The following FKRP variants were observed in gnomAD, a reference collection of about 807,000 sequenced individuals.
FKRP encodes the protein ribitol 5-phosphate transferase FKRP.
FKRP carries 25 observed loss-of-function variants against 30.6 expected under a neutral mutation model. The observed-to-expected ratio is 0.82, with a 90% CI of 0.60 to 1.14. The LOEUF is 1.14. Ranked by LOEUF, FKRP falls within the 50% of genes most tolerant of loss-of-function variation. The probability of loss-of-function intolerance (pLI) is 0.00; values close to 1 mark genes in which losing one functional copy is unlikely to be tolerated. For synonymous variants in FKRP, 358 were observed against 342.5 expected, an observed-to-expected ratio of 1.05 and a Z score of -0.50; for missense variants, 771 against 727.8, an observed-to-expected ratio of 1.06 and a Z score of -0.68.
upstream of FKRP, chr19:46,746,000 T>C: frequency 2.1e-6 from 2 of 973,972 alleles, no homozygotes; most frequent in South Asian, 5.5e-5. Context: ...GGCCCCTCAC[T>C]CGCCCTCCGG....
chr19:46,746,439 CG>C (rs2054624370), intron 1 of FKRP: 5 of 1,008,364 alleles, frequency 5.0e-6, no homozygotes, highest in Middle Eastern at 4.8e-4. Flanking sequence ...ATGGAGGCCC[CG>C]GGGCCGGCCT....
chr19:46,757,106 G>A lies in FKRP; in HGVS notation c.*168G>A. The A allele has an allele frequency of 1.1e-6, 1 of 913,154 alleles. No homozygotes were observed. The highest frequency in any genetic ancestry group is 1.7e-6 in the Non-Finnish European group (1 of 584,760). 56.6% of individuals were successfully genotyped at this position (913,154 alleles called of 1,614,324 possible). On this transcript the variant is annotated 3_prime_UTR_variant, in exon 4 of 4. Coordinates refer to ENST00000318584, the MANE Select transcript of FKRP (RefSeq NM_024301.5). ...GAAGGCTGGCATTGGCAGGAGGAGAGCACCAGGACGAGGATGGGAAGCGAC... is the reference window on the plus strand; with the variant it reads ...GAAGGCTGGCATTGGCAGGAGGAGAACACCAGGACGAGGATGGGAAGCGAC...
rs114589967 is a variant in FKRP at position 46,754,957 on chromosome 19, T to A, written c.-39-455T>A. Among the ~76,000 whole-genome samples, 502 of 152,254 alleles carry A rather than the reference T, an allele frequency of 3.3e-3. 3 individuals carry two copies. The highest frequency in any genetic ancestry group is 0.011 in the African/African-American group (441 of 41,550). On this transcript the variant is annotated intron_variant, in intron 3 of 3. Coordinates refer to ENST00000318584, the MANE Select transcript of FKRP (RefSeq NM_024301.5). ...TCAGCACCCCACTTAAAATTTTTTT[T>A]AAATTCTGATTAAGTATATATAACA...
At position 46,749,681 on chromosome 19, in the gene FKRP, T is replaced by C. The variant is rs145135621; in HGVS notation, c.-40+1016T>C. Among the ~76,000 whole-genome samples the C allele has an allele frequency of 1.8e-3, 263 of 145,784 alleles. 1 individual carries two copies. Among genetic ancestry groups the C allele is most frequent in the African/African-American group, 6.0e-3 (235 of 38,926 alleles). ...TGGAGGTTGCAGCGAGCCGAGATTGTGCCACAGCACTCTAGCCTGGTGACA... is the reference window on the plus strand; with the variant it reads ...TGGAGGTTGCAGCGAGCCGAGATTGCGCCACAGCACTCTAGCCTGGTGACA... On this transcript the variant is annotated intron_variant, in intron 3 of 3. Coordinates refer to ENST00000318584, the MANE Select transcript of FKRP (RefSeq NM_024301.5).
intron 3 of FKRP, among the ~76,000 whole-genome samples, chr19:46,749,890 T>A (rs895276730): frequency 6.6e-6 from 1 of 152,046 alleles, no homozygotes; most frequent in African/African-American, 2.4e-5. Flanking sequence ...GCTAATTTTT[T>A]AAATTTTTTT....
intron 3 of FKRP, among the ~76,000 whole-genome samples, chr19:46,749,408 C>CTTTTTTTTT (rs34544320): frequency 8.7e-6 from 1 of 114,852 alleles, no homozygotes; most frequent in Non-Finnish European, 1.7e-5. Context: ...CCTTTGTTTC[C>CTTTTTTTTT]TTTTTTTTTT....
intron 3 of FKRP, among the ~76,000 whole-genome samples, chr19:46,749,747 T>G (rs1236563881): frequency 3.4e-5 from 5 of 146,992 alleles, no homozygotes; most frequent in South Asian, 4.3e-4. Context: ...AAAAAGAGTC[T>G]GGCTCTGTCA....
Position 46,757,257 on chromosome 19 carries a change from A to G in FKRP, c.*319A>G, listed in dbSNP as rs888896575. The G allele has an allele frequency of 1.0e-5, 5 of 482,618 alleles. No individual in the cohort carries two copies. The highest frequency in any genetic ancestry group is 4.0e-5 in the East Asian group (1 of 24,846). The allele number at this position is 482,618 out of a possible 1,614,324, so 29.9% of individuals were successfully genotyped here. ...GTCCCGCAGGGCCCAGCACAGCCCC[A>G]GACCCGAAAAAAGTGTTCTGCCCAA... On this transcript the variant is annotated 3_prime_UTR_variant, in exon 4 of 4. Coordinates refer to ENST00000318584, the MANE Select transcript of FKRP (RefSeq NM_024301.5).
At chr19:46,750,161 C>A (rs1250176098) in intron 3 of FKRP, among the ~76,000 whole-genome samples, 2 of 152,190 alleles carry the variant, frequency 1.3e-5, no homozygotes, top group Admixed American at 6.6e-5. Context: ...AACATTCAGA[C>A]CTTCAAAATC....
Position 46,755,874 on chromosome 19 carries a change from G to A in FKRP, c.424G>A (p.Glu142Lys), listed in dbSNP as rs1273239768. Residue 142 changes from glutamate to lysine, a missense_variant, in exon 4 of 4, where the codon GAG becomes AAG. By Grantham distance (56) the Glu-to-Lys change is moderately conservative. Coordinates refer to ENST00000318584, the MANE Select transcript of FKRP (RefSeq NM_024301.5). ...GARAEAPGLL[E>K]RMVEALRAGS... Reference sequence around the variant, plus strand: ...GCGGGCTGAGGCACCTGGCCTGCTGGAGCGCATGGTGGAGGCGCTCCGCGC... The same window carrying A: ...GCGGGCTGAGGCACCTGGCCTGCTGAAGCGCATGGTGGAGGCGCTCCGCGC... 6.7e-7 allele frequency: 1 copy of A among 1,493,108 alleles called. No homozygotes were observed. Among genetic ancestry groups the A allele is most frequent in the Admixed American group, 2.2e-5 (1 of 45,156 alleles). 92.5% of individuals were successfully genotyped at this position (1,493,108 alleles called of 1,614,324 possible). A position where few individuals can be genotyped will look rare whatever the true frequency, so the allele number is the denominator to read the frequency against.
chr19:46,746,414 G>T, intron 1 of FKRP: 1 of 1,040,752 alleles, frequency 9.6e-7, no homozygotes, highest in Non-Finnish European at 1.2e-6. Flanking sequence ...CGCGGCGGCC[G>T]CTCGCTCCTC....
chr19:46,747,106 C>T (rs1431009436), intron 1 of FKRP: 1 of 152,520 alleles, frequency 6.6e-6, no homozygotes, highest in East Asian at 1.9e-4. Context: ...GGACACTGAT[C>T]TCTAAGAGAA....
intron 3 of FKRP, chr19:46,754,411 T>TATTTATTTATTTTTC (rs1354448385): frequency 7.2e-6 from 1 of 139,402 alleles, no homozygotes; most frequent in African/African-American, 2.8e-5. Context: ...ATTTATTTTT[T>TATTTATTTATTTTTC]GAGACAGTCT....
Position 46,756,061 on chromosome 19 carries a change from C to T in FKRP, c.611C>T (p.Ala204Val). 2 of 1,573,222 alleles carry T rather than the reference C, an allele frequency of 1.3e-6. No homozygotes were observed. Among genetic ancestry groups the T allele is most frequent in the Non-Finnish European group, 1.7e-6 (2 of 1,168,740 alleles). Residue 204 changes from alanine (A) to valine (V), a missense_variant, in exon 4 of 4, where the codon GCC (alanine) becomes GTC (valine). Coordinates refer to ENST00000318584, the MANE Select transcript of FKRP (RefSeq NM_024301.5). This position sits in a 1 kb window ranked among gnomAD's most constrained non-coding sequence, Gnocchi z 6.6. ...GGAGATGCTGTGGTGCTCCTGCGCG[C>T]CCGCGACCTCTTCAACCTCTCGGCG... ...LDGDAVVLLRARDLFNLSAPL... is the reference protein window; with the variant it reads ...LDGDAVVLLRVRDLFNLSAPL...
Position 46,756,994 on chromosome 19 carries a change from C to CTGTGTGAGCGGTG in FKRP, c.*57_*69dup. 1 of 1,603,242 alleles carries CTGTGTGAGCGGTG rather than the reference C, an allele frequency of 6.2e-7. No individual in the cohort carries two copies. Among genetic ancestry groups the CTGTGTGAGCGGTG allele is most frequent in the Non-Finnish European group, 8.5e-7 (1 of 1,174,334 alleles). On this transcript the variant is annotated 3_prime_UTR_variant, in exon 4 of 4. Transcript: ENST00000318584. This position sits in a 1 kb window ranked among gnomAD's most constrained non-coding sequence, Gnocchi z 6.6. ...GGGTCTGTCTGGATGTGGAGAAGCT[C>CTGTGTGAGCGGTG]TGTGTGAGCGGTGAGGGGTGGAGGG...
intron 3 of FKRP, among the ~76,000 whole-genome samples, chr19:46,749,813 A>G (rs890368510): frequency 4.6e-5 from 7 of 151,596 alleles, no homozygotes; most frequent in Admixed American, 2.6e-4. Flanking sequence ...TGCCTCCTAG[A>G]CTCAAGTAAT....
rs1447563895 is a variant in FKRP, at chr19:46,754,629, C to T, written c.-39-783C>T. On this transcript the variant is annotated intron_variant, in intron 3 of 3. Coordinates refer to ENST00000318584, the MANE Select transcript of FKRP (RefSeq NM_024301.5). ...TTATTTATTTATTTATTTTTCGAGA[C>T]GGAGTCTCGCTGTGTTGCCCAGGCT... 5.5e-5 allele frequency among the ~76,000 whole-genome samples: 8 copies of T among 144,938 alleles called. No individual in the cohort carries two copies. In the South Asian group the frequency reaches 1.3e-3, roughly 24 times the overall value.
chr19:46,745,044 T>A (rs1046043275), upstream of FKRP, among the ~76,000 whole-genome samples: 5 of 132,134 alleles, frequency 3.8e-5, no homozygotes, highest in African/African-American at 5.9e-5. Context: ...AACCCCAGTC[T>A]ACCCCCGTTC....
chr19:46,755,306 G>T, intron 3 of FKRP, 106 bp from the exon 4 acceptor site: 1 of 758,760 alleles, frequency 1.3e-6, no homozygotes, highest in Non-Finnish European at 2.0e-6. Context: ...ATAGGGAAAA[G>T]AAAGGGAATT....
Sources: allele counts gnomAD v4.1 joint callset (sites outside exome capture counted in the v4.1 genomes callset), GRCh38; gene constraint gnomAD v4.1.1; non-coding constraint Gnocchi (gnomAD v3.1); transcripts MANE v1.5; gene names NCBI Gene and HGNC (gene_info 2026-07-23, HGNC 2026-07-21).